MAGI2: variants seen among roughly 807,000 people sequenced by gnomAD.
The protein encoded by MAGI2 is membrane-associated guanylate kinase, WW and PDZ domain-containing protein 2.
Under a neutral mutation model 133.3 loss-of-function variants are expected in MAGI2, and 35 were observed. That is an observed-to-expected ratio of 0.26 (90% CI 0.20 to 0.35). The LOEUF (loss-of-function observed/expected upper bound fraction) is 0.35, where lower values mean the gene tolerates loss of function less well. Ranked by LOEUF, MAGI2 falls within the 10% of genes least tolerant of loss-of-function variation. MAGI2 has a pLI of 1.00. For synonymous variants in MAGI2, 729 were observed against 710.6 expected (o/e 1.03, Z -0.41); for missense variants, 1,636 against 1,863.4 (o/e 0.88, Z 2.25).
intron 3 of MAGI2, among the ~76,000 whole-genome samples, chr7:78,608,152 AG>A (rs1188329635): frequency 6.6e-6 from 1 of 152,148 alleles, no homozygotes; most frequent in African/African-American, 2.4e-5. Flanking sequence ...CCACACACTA[AG>A]GTGACACATA....
chr7:78,434,250 A>C (rs1800066513), intron 6 of MAGI2, among the ~76,000 whole-genome samples: 1 of 152,154 alleles, frequency 6.6e-6, no homozygotes, highest in African/African-American at 2.4e-5. Flanking sequence ...AACAAATTAC[A>C]ATGATTGTAT....
chr7:78,579,463 A>G (rs1033760787), intron 3 of MAGI2, among the ~76,000 whole-genome samples: 5 of 152,174 alleles, frequency 3.3e-5, no homozygotes, highest in Admixed American at 6.6e-5. Flanking sequence ...ATTTACAAAA[A>G]CAAAAGGTAT....
intron 1 of MAGI2, among the ~76,000 whole-genome samples, chr7:79,171,770 A>ATATATATATATTTTTTTTTTTTTT: frequency 3.2e-5 from 1 of 31,222 alleles, no homozygotes; most frequent in Non-Finnish European, 1.1e-4. Flanking sequence ...ATATATATAT[A>ATATATATATATTTTTTTTTTTTTT]TTTTTTTTTT....
At chr7:78,690,227 T>C (rs1816811546) in intron 2 of MAGI2, among the ~76,000 whole-genome samples, 3 of 152,316 alleles carry the variant, frequency 2.0e-5, no homozygotes, top group Middle Eastern at 3.4e-3. Context: ...AATTCATTCA[T>C]TCAAAGACAC....
At chr7:78,167,400 A>G (rs182793709) in intron 15 of MAGI2, among the ~76,000 whole-genome samples, 1 of 152,362 alleles carries the variant, frequency 6.6e-6, no homozygotes, top group Non-Finnish European at 1.5e-5. Context: ...TATCTGTTAC[A>G]TAAATTTGGA....
intron 2 of MAGI2, among the ~76,000 whole-genome samples, chr7:78,743,654 A>G (rs1585262977): frequency 1.3e-5 from 2 of 152,246 alleles, no homozygotes; most frequent in African/African-American, 4.8e-5. Context: ...CTAAGCATAA[A>G]TCCATATTTG....
At chr7:78,157,679 A>T (rs1321862931) in intron 16 of MAGI2, among the ~76,000 whole-genome samples, 1 of 152,172 alleles carries the variant, frequency 6.6e-6, no homozygotes, top group Non-Finnish European at 1.5e-5. Flanking sequence ...CCAATAAACA[A>T]TTGGAAAGAC....
At chr7:78,469,568 C>T (rs778588974) in intron 6 of MAGI2, among the ~76,000 whole-genome samples, 1 of 152,132 alleles carries the variant, frequency 6.6e-6, no homozygotes, top group Non-Finnish European at 1.5e-5. Flanking sequence ...AAAAAAAAGA[C>T]TGGTTATGCC....
chr7:78,474,939 T>C (rs1791593149), intron 6 of MAGI2, among the ~76,000 whole-genome samples: 1 of 151,862 alleles, frequency 6.6e-6, no homozygotes, highest in African/African-American at 2.4e-5. Context: ...GCTATTATTT[T>C]TTGTTGTAAA....
At chr7:78,692,291 G>T (rs1304034213) in intron 2 of MAGI2, among the ~76,000 whole-genome samples, 1 of 152,146 alleles carries the variant, frequency 6.6e-6, no homozygotes, top group African/African-American at 2.4e-5. Context: ...TAAAAGAAGA[G>T]ACTGAATGGT....
intron 2 of MAGI2, among the ~76,000 whole-genome samples, chr7:78,681,991 ATTTT>A (rs147903173): frequency 6.6e-6 from 1 of 150,426 alleles, no homozygotes; most frequent in East Asian, 2.0e-4. Flanking sequence ...GACCAAGTAA[ATTTT>A]TTTTTTATCT....
At chr7:78,223,381 A>G (rs1789027843) in intron 10 of MAGI2, among the ~76,000 whole-genome samples, 1 of 152,196 alleles carries the variant, frequency 6.6e-6, no homozygotes, top group Non-Finnish European at 1.5e-5. Flanking sequence ...ACCCAGAGAT[A>G]TATTTAAGAG....
At chr7:78,875,420 T>C (rs1795342359) in intron 2 of MAGI2, among the ~76,000 whole-genome samples, 2 of 152,106 alleles carry the variant, frequency 1.3e-5, no homozygotes, top group East Asian at 3.9e-4. Context: ...ACCCCGTCCA[T>C]ATCTTTGGCT....
chr7:79,434,487 A>C (rs1848004259), intron 1 of MAGI2, among the ~76,000 whole-genome samples: 1 of 152,214 alleles, frequency 6.6e-6, no homozygotes, highest in Admixed American at 6.5e-5. Flanking sequence ...TTCAGAACAA[A>C]GTAGGGCATC....
At chr7:79,100,969 T>C (rs568531003) in intron 1 of MAGI2, among the ~76,000 whole-genome samples, 2 of 152,186 alleles carry the variant, frequency 1.3e-5, no homozygotes, top group East Asian at 3.9e-4. Context: ...CATTTTATCA[T>C]ATATTAATTA....
At chr7:78,226,584 G>A (rs983003653) in intron 10 of MAGI2, among the ~76,000 whole-genome samples, 2 of 152,118 alleles carry the variant, frequency 1.3e-5, no homozygotes, top group South Asian at 2.1e-4. Context: ...CTCGGCCTAC[G>A]TGAATGTCTC....
intron 2 of MAGI2, among the ~76,000 whole-genome samples, chr7:78,652,489 T>G (rs552328017): frequency 6.6e-5 from 10 of 152,188 alleles, no homozygotes; most frequent in Non-Finnish European, 1.3e-4. Flanking sequence ...TAAAACCATC[T>G]GATCCTTGAC....
intron 1 of MAGI2, among the ~76,000 whole-genome samples, chr7:79,111,389 T>C (rs1332826801): frequency 6.6e-6 from 1 of 152,212 alleles, no homozygotes; most frequent in Non-Finnish European, 1.5e-5. Context: ...CTGTTATGCA[T>C]ATCTCATACC....
chr7:78,969,172 CCACCTGGTAG>C (rs1352111409), intron 2 of MAGI2, among the ~76,000 whole-genome samples: 2 of 151,908 alleles, frequency 1.3e-5, no homozygotes, highest in Non-Finnish European at 2.9e-5. Context: ...GTACTGGCGA[CCACCTGGTAG>C]TAGCTGTATT....
Sources: allele counts gnomAD v4.1 joint callset (sites outside exome capture counted in the v4.1 genomes callset), GRCh38; gene constraint gnomAD v4.1.1; transcripts MANE v1.5; gene names NCBI Gene and HGNC (gene_info 2026-07-23, HGNC 2026-07-21).